BUB3: variants seen among roughly 807,000 people sequenced by gnomAD.
BUB3 encodes mitotic checkpoint protein BUB3.
A neutral mutation model predicts 39.9 loss-of-function variants in BUB3; 22 were observed. The observed-to-expected ratio is 0.55, with a 90% CI of 0.39 to 0.79. The LOEUF (loss-of-function observed/expected upper bound fraction) is 0.79, where lower values mean the gene tolerates loss of function less well. Among genes scored for constraint, BUB3 ranks in the 30% least tolerant of loss-of-function variants. The probability of loss-of-function intolerance (pLI) is 0.00; values close to 1 mark genes in which losing one functional copy is unlikely to be tolerated. For missense variants in BUB3, 303 were observed against 415.4 expected (o/e 0.73, Z 2.35); for synonymous variants, 168 against 155.1 (o/e 1.08, Z -0.62).
chr10:123,155,247 G>A, intron 2 of BUB3, 135 bp downstream of exon 2: 1 of 1,019,300 alleles, frequency 9.8e-7, no homozygotes, highest in South Asian at 1.7e-5. Flanking sequence ...CTTTTCAGGA[G>A]CATCTGCCTT....
chr10:123,159,931 G>GC (rs2133568165), intron 4 of BUB3, among the ~76,000 whole-genome samples: 1 of 152,204 alleles, frequency 6.6e-6, no homozygotes, highest in South Asian at 2.1e-4. Flanking sequence ...TTTTAGAGTT[G>GC]CAAAATGAAA....
rs1844464914 is a variant in BUB3, at chr10:123,164,594, A to G, written c.*759A>G. On this transcript the variant is annotated 3_prime_UTR_variant, in exon 8 of 8. Coordinates refer to ENST00000368865, the MANE Select transcript of BUB3 (RefSeq NM_004725.4). The stretch of plus-strand genomic sequence containing the variant: ...GGAAAAATAATTGTAACGTAATTGC[A>G]GTGCATTTAGACAGGCATCTATTTG... The G allele has an allele frequency of 7.1e-6, 7 of 988,280 alleles. No homozygotes were observed. Among genetic ancestry groups the G allele is most frequent in the Non-Finnish European group, 7.2e-6 (6 of 831,986 alleles). The allele number at this position is 988,280 out of a possible 1,614,324, so 61.2% of individuals were successfully genotyped here.
At chr10:123,161,968 A>G (rs1844430096) in intron 5 of BUB3, among the ~76,000 whole-genome samples, 1 of 152,184 alleles carries the variant, frequency 6.6e-6, no homozygotes, top group Admixed American at 6.5e-5. Flanking sequence ...AACACTTTAA[A>G]TTTTTGTTTA....
Position 123,165,564 on chromosome 10 carries a change from T to C in BUB3, c.*1729T>C, listed in dbSNP as rs549668809. On this transcript the variant is annotated 3_prime_UTR_variant, in exon 8 of 8. Transcript: ENST00000368865. The stretch of plus-strand genomic sequence containing the variant: ...ATTTGTTGGAGTTCAGCCATTTCCC[T>C]CATGCCCCCTTGTGCCCTCTCGGTG... 1.1e-3 allele frequency: 169 copies of C among 152,464 alleles called. No homozygotes were observed. The highest frequency in any genetic ancestry group is 2.1e-3 in the Non-Finnish European group (142 of 68,288). 9.4% of individuals were successfully genotyped at this position (152,464 alleles called of 1,614,324 possible). A position where few individuals can be genotyped will look rare whatever the true frequency, so the allele number is the denominator to read the frequency against.
At chr10:123,159,310 G>A (rs1311499339) in intron 4 of BUB3, among the ~76,000 whole-genome samples, 1 of 152,228 alleles carries the variant, frequency 6.6e-6, no homozygotes, top group Non-Finnish European at 1.5e-5. Context: ...ACATACTAGT[G>A]ATTATTAACA....
At position 123,170,294 on chromosome 10, in the gene BUB3, C is replaced by T. The variant is rs923772505; in HGVS notation, c.*6459C>T. 4 of 152,064 alleles carry T rather than the reference C, an allele frequency of 2.6e-5. No homozygotes were observed. Among genetic ancestry groups the T allele is most frequent in the Admixed American group, 6.5e-5 (1 of 15,274 alleles). 9.4% of individuals were successfully genotyped at this position (152,064 alleles called of 1,614,324 possible). Reference sequence around the variant, plus strand: ...ACATGATGTAGTTCTCAGATATATACGGGATTTCTAGTTCTTAAATGCCAG... The same window carrying T: ...ACATGATGTAGTTCTCAGATATATATGGGATTTCTAGTTCTTAAATGCCAG... On this transcript the variant is annotated 3_prime_UTR_variant, in exon 8 of 8. Coordinates refer to ENST00000368865, the MANE Select transcript of BUB3 (RefSeq NM_004725.4).
chr10:123,169,821 T>C lies in BUB3; in HGVS notation c.*5986T>C, dbSNP rs1345439151. The C allele has an allele frequency of 1.3e-5, 2 of 152,204 alleles. No homozygotes were observed. The highest frequency in any genetic ancestry group is 1.9e-4 in the East Asian group (1 of 5,200). The allele number at this position is 152,204 out of a possible 1,614,324, so 9.4% of individuals were successfully genotyped here. On this transcript the variant is annotated 3_prime_UTR_variant, in exon 8 of 8. Coordinates refer to ENST00000368865, the MANE Select transcript of BUB3 (RefSeq NM_004725.4). ...TGAACCTGGCGCTGAATCCTGACTTTACTGCTTATTCAGGGGGCCACTAGC... is the reference window on the plus strand; with the variant it reads ...TGAACCTGGCGCTGAATCCTGACTTCACTGCTTATTCAGGGGGCCACTAGC...
rs1239663994 is a variant in BUB3 at position 123,160,581 on chromosome 10, T to G, written c.576+16T>G. The G allele has an allele frequency of 1.3e-6, 2 of 1,524,350 alleles. No individual in the cohort carries two copies. Among genetic ancestry groups the G allele is most frequent in the Non-Finnish European group, 1.8e-6 (2 of 1,136,796 alleles). 94.4% of individuals were successfully genotyped at this position (1,524,350 alleles called of 1,614,324 possible). A position where few individuals can be genotyped will look rare whatever the true frequency, so the allele number is the denominator to read the frequency against. On this transcript the variant is annotated intron_variant, in intron 5 of 7. Coordinates refer to ENST00000368865, the MANE Select transcript of BUB3 (RefSeq NM_004725.4). ...AAACAAGCAGGTATTGAACTATACC[T>G]CCTCTTCTTTCTGGAATTTGAAAAT...
chr10:123,159,361 C>T (rs1290977540), intron 4 of BUB3, among the ~76,000 whole-genome samples: 1 of 152,196 alleles, frequency 6.6e-6, no homozygotes, highest in South Asian at 2.1e-4. Flanking sequence ...ATCATCTTAC[C>T]TTGCCATGGG....
intron 3 of BUB3, among the ~76,000 whole-genome samples, chr10:123,155,967 T>C (rs1266746557): frequency 1.3e-5 from 2 of 152,224 alleles, no homozygotes; most frequent in Admixed American, 6.5e-5. Flanking sequence ...TTACATAAAT[T>C]GACACTCAAG....
Position 123,155,532 on chromosome 10 carries a change from G to T in BUB3, c.196-126G>T. The T allele has an allele frequency of 6.9e-6, 6 of 872,710 alleles. No homozygotes were observed. In the Admixed American group the frequency reaches 9.6e-5, roughly 14 times the overall value. 54.1% of individuals were successfully genotyped at this position (872,710 alleles called of 1,614,324 possible). ...GCTTTTTTATGCTGTTTTTTGGTTTGTTTACCATGAATAGTTGAGCCCAGT... is the reference window on the plus strand; with the variant it reads ...GCTTTTTTATGCTGTTTTTTGGTTTTTTTACCATGAATAGTTGAGCCCAGT... On this transcript the variant is annotated intron_variant, in intron 2 of 7. Coordinates refer to ENST00000368865, the MANE Select transcript of BUB3 (RefSeq NM_004725.4).
chr10:123,154,847 C>T, intron 1 of BUB3, 71 bp from the exon 2 acceptor site: 3 of 1,512,986 alleles, frequency 2.0e-6, no homozygotes, highest in Non-Finnish European at 1.8e-6. Context: ...GGGGGGACCC[C>T]CAGTGCCAGG....
chr10:123,163,331 T>C, intron 7 of BUB3: 1 of 163,752 alleles, frequency 6.1e-6, no homozygotes. Context: ...TTTTCATAGA[T>C]GTCTTTGGTT....
chr10:123,155,170 AG>A (rs1295049640), intron 2 of BUB3, 58 bp downstream of exon 2: 1 of 1,556,118 alleles, frequency 6.4e-7, no homozygotes, highest in Non-Finnish European at 8.7e-7. Flanking sequence ...TCTCCACGTG[AG>A]GAGCGTTTCT....
rs572286922 is a variant in BUB3 at position 123,164,419 on chromosome 10, T to C, written c.*584T>C. ...GGGAATCAGCTAGTTTTCAATCTTA[T>C]TAGGGTGCAGAAGGAAAACTAATAA... On this transcript the variant is annotated 3_prime_UTR_variant, in exon 8 of 8. Coordinates refer to ENST00000368865, the MANE Select transcript of BUB3 (RefSeq NM_004725.4). The C allele has an allele frequency of 5.1e-4, 501 of 985,650 alleles. 2 individuals carry two copies. In the African/African-American group the frequency reaches 8.1e-3, roughly 16 times the overall value. 61.1% of individuals were successfully genotyped at this position (985,650 alleles called of 1,614,324 possible).
chr10:123,161,699 G>A (rs1037628059), intron 5 of BUB3, among the ~76,000 whole-genome samples: 1 of 152,100 alleles, frequency 6.6e-6, no homozygotes, highest in Non-Finnish European at 1.5e-5. Context: ...ATGAAAAAAC[G>A]TTTAAAATTG....
intron 4 of BUB3, among the ~76,000 whole-genome samples, chr10:123,158,359 G>A (rs191943094): frequency 1.1e-4 from 16 of 152,210 alleles, no homozygotes; most frequent in African/African-American, 1.9e-4. Flanking sequence ...TGTACTGTTC[G>A]TATATTTATT....
rs1427388658 is a variant in BUB3, at chr10:123,165,330, T to G, written c.*1495T>G. ...TTTGTAATATACTCTAAACCTGTTA[T>G]TTCTGTGCTAATAAACGAGATGCAG... On this transcript the variant is annotated 3_prime_UTR_variant, in exon 8 of 8. Transcript: ENST00000368865. 2.9e-6 allele frequency: 1 copy of G among 346,230 alleles called. No individual in the cohort carries two copies. Among genetic ancestry groups the G allele is most frequent in the Non-Finnish European group, 5.2e-6 (1 of 192,516 alleles). The allele number at this position is 346,230 out of a possible 1,614,324, so 21.4% of individuals were successfully genotyped here.
chr10:123,165,205 T>C lies in BUB3; in HGVS notation c.*1370T>C, dbSNP rs1844474286. 1 of 898,406 alleles carries C rather than the reference T, an allele frequency of 1.1e-6. No individual in the cohort carries two copies. The highest frequency in any genetic ancestry group is 1.7e-6 in the Non-Finnish European group (1 of 581,256). 55.7% of individuals were successfully genotyped at this position (898,406 alleles called of 1,614,324 possible). On this transcript the variant is annotated 3_prime_UTR_variant, in exon 8 of 8. Transcript: ENST00000368865. The stretch of plus-strand genomic sequence containing the variant: ...TGTCTATGTACCTTAATACTTTGTT[T>C]AGGATGAGGAGTCTTTGTGTCCCTG...
Sources: allele counts gnomAD v4.1 joint callset (sites outside exome capture counted in the v4.1 genomes callset), GRCh38; gene constraint gnomAD v4.1.1; transcripts MANE v1.5; gene names NCBI Gene and HGNC (gene_info 2026-07-23, HGNC 2026-07-21).